PI15: variants seen among roughly 807,000 people sequenced by gnomAD.
The protein encoded by PI15 is 25 kDa trypsin inhibitor.
A neutral mutation model predicts 31.0 loss-of-function variants in PI15; 18 were observed. The observed-to-expected ratio is 0.58, with a 90% CI of 0.40 to 0.86. The LOEUF (loss-of-function observed/expected upper bound fraction) is 0.86. Among genes scored for constraint, PI15 ranks in the 40% least tolerant of loss-of-function variants. The pLI, the probability that PI15 is intolerant of heterozygous loss-of-function variation, is 0.00. For missense variants in PI15, 282 were observed against 328.1 expected, an observed-to-expected ratio of 0.86 and a Z score of 1.09; for synonymous variants, 118 against 119.1, an observed-to-expected ratio of 0.99 and a Z score of 0.06.
intron 5 of PI15, among the ~76,000 whole-genome samples, chr8:74,848,732 T>TATAGAGAGAGAGAGAG (rs1191072583): frequency 6.5e-4 from 88 of 136,344 alleles, no homozygotes; most frequent in African/African-American, 2.4e-3. Context: ...TATATATATA[T>TATAGAGAGAGAGAGAG]AGAGAGAGAG....
At position 74,844,150 on chromosome 8, in the gene PI15, T is replaced by C. The variant is rs771014409; in HGVS notation, c.392+51T>C. 2.5e-5 allele frequency: 21 copies of C among 842,042 alleles called. 1 individual carries two copies. In the Middle Eastern group the frequency reaches 6.6e-4, roughly 26 times the overall value. The allele number at this position is 842,042 out of a possible 1,614,324, so 52.2% of individuals were successfully genotyped here. ...TTCATCCACATGGCTTTATTAATTA[T>C]GGACTCTAGGAGGGAATTTCATCAA... On this transcript the variant is annotated intron_variant, in intron 3 of 5. Transcript: ENST00000260113.
chr8:74,843,840 A>G, intron 2 of PI15, 141 bp from the exon 3 acceptor site: 1 of 663,794 alleles, frequency 1.5e-6, no homozygotes, highest in Non-Finnish European at 2.7e-6. Context: ...ACTCCACTCC[A>G]GCCCGGGCAG....
chr8:74,831,706 C>G (rs1241367042), intron 2 of PI15, among the ~76,000 whole-genome samples: 1 of 151,962 alleles, frequency 6.6e-6, no homozygotes, highest in Non-Finnish European at 1.5e-5. Context: ...AGACCTAGCT[C>G]AGATGTGGAG....
At chr8:74,845,723 G>C (rs1586958669) in intron 5 of PI15, among the ~76,000 whole-genome samples, 3 of 152,116 alleles carry the variant, frequency 2.0e-5, no homozygotes, top group Admixed American at 2.0e-4. Flanking sequence ...ATCTGAAATG[G>C]TAGGGCTCAC....
intron 2 of PI15, among the ~76,000 whole-genome samples, chr8:74,834,789 C>A (rs980454723): frequency 1.3e-5 from 2 of 152,068 alleles, no homozygotes; most frequent in African/African-American, 4.8e-5. Context: ...CCATGAGATG[C>A]CTAGAATTTA....
In PI15 at chr8:74,825,232, T is replaced by C. The variant is rs1205514416; in HGVS notation, c.-18T>C. The C allele has an allele frequency of 1.2e-6, 2 of 1,610,172 alleles. No homozygotes were observed. Among genetic ancestry groups the C allele is most frequent in the African/African-American group, 2.7e-5 (2 of 74,760 alleles). On this transcript the variant is annotated 5_prime_UTR_variant, in exon 2 of 6. Coordinates refer to ENST00000260113, the MANE Select transcript of PI15 (RefSeq NM_015886.5). ...AAGCAAAGTAAACTCGGTGGCCTCTTCTTCTCCACCCCTCAAAATGATAGC... is the reference window on the plus strand; with the variant it reads ...AAGCAAAGTAAACTCGGTGGCCTCTCCTTCTCCACCCCTCAAAATGATAGC...
rs566414875 is a variant in PI15, at chr8:74,844,827, G to A, written c.393-301G>A. 81 of 274,270 alleles carry A rather than the reference G, an allele frequency of 3.0e-4. 1 individual carries two copies. The highest frequency in any genetic ancestry group is 1.3e-3 in the African/African-American group (58 of 46,290). The allele number at this position is 274,270 out of a possible 1,614,324, so 17.0% of individuals were successfully genotyped here. A position where few individuals can be genotyped will look rare whatever the true frequency, so the allele number is the denominator to read the frequency against. On this transcript the variant is annotated intron_variant, in intron 3 of 5. Transcript: ENST00000260113. Reference sequence around the variant, plus strand: ...TAAAATTCTGATGGAGGAAGTTTTCGACATGGATTAAATAAGACATTGATG... The same window carrying A: ...TAAAATTCTGATGGAGGAAGTTTTCAACATGGATTAAATAAGACATTGATG...
chr8:74,843,844 C>G (rs548348498), intron 2 of PI15, 137 bp from the exon 3 acceptor site: 23 of 666,330 alleles, frequency 3.5e-5, no homozygotes, highest in Non-Finnish European at 5.1e-5. Context: ...CACTCCAGCC[C>G]GGGCAGAAAA....
intron 2 of PI15, among the ~76,000 whole-genome samples, chr8:74,840,786 C>A (rs550491931): frequency 7.2e-5 from 11 of 152,238 alleles, no homozygotes; most frequent in African/African-American, 2.4e-4. Flanking sequence ...TACATGGAGA[C>A]AGGTAGAAAC....
intron 2 of PI15, among the ~76,000 whole-genome samples, chr8:74,840,601 C>G (rs1810930873): frequency 6.6e-6 from 1 of 152,190 alleles, no homozygotes; most frequent in Non-Finnish European, 1.5e-5. Flanking sequence ...GCTCACTACT[C>G]AAGCCAGACT....
chr8:74,839,724 G>T (rs149812093), intron 2 of PI15, among the ~76,000 whole-genome samples: 2 of 152,026 alleles, frequency 1.3e-5, no homozygotes, highest in East Asian at 3.9e-4. Flanking sequence ...TAGTTTTTCC[G>T]AATAGATAAC....
chr8:74,840,484 C>G (rs1211978109), intron 2 of PI15, among the ~76,000 whole-genome samples: 4 of 152,154 alleles, frequency 2.6e-5, no homozygotes, highest in African/African-American at 7.2e-5. Flanking sequence ...GGGGATAAAT[C>G]ACTTACCCAT....
intron 2 of PI15, among the ~76,000 whole-genome samples, chr8:74,835,535 G>A (rs1810850203): frequency 6.6e-6 from 1 of 152,116 alleles, no homozygotes; most frequent in Non-Finnish European, 1.5e-5. Context: ...TATACTGAAA[G>A]AATTAATAGG....
intron 2 of PI15, among the ~76,000 whole-genome samples, chr8:74,841,230 T>C (rs1174154307): frequency 6.6e-6 from 1 of 152,182 alleles, no homozygotes; most frequent in Non-Finnish European, 1.5e-5. Flanking sequence ...TCAAAAATAA[T>C]CTAGATTTGC....
intron 2 of PI15, among the ~76,000 whole-genome samples, chr8:74,834,249 A>C (rs764899900): frequency 1.3e-5 from 2 of 152,082 alleles, no homozygotes; most frequent in Non-Finnish European, 2.9e-5. Flanking sequence ...TTGGATAGAG[A>C]ATTTCCCTAC....
At chr8:74,826,006 C>T (rs994433928) in intron 2 of PI15, among the ~76,000 whole-genome samples, 1 of 151,890 alleles carries the variant, frequency 6.6e-6, no homozygotes. Context: ...CTTTTTTGGA[C>T]AAAGTTCTTA....
chr8:74,845,192 T>C lies in PI15; in HGVS notation c.457T>C (p.Tyr153His). The stretch of plus-strand genomic sequence containing the variant: ...TGAAGTGAAAGATTATGCTTTTCCA[T>C]ATCCCCAGGATTGCAACCCCAGATG... ...YDEVKDYAFP[Y>H]PQDCNPRCPM... The change falls in exon 4 of 6, where the codon TAT (tyrosine) becomes CAT (histidine). Residue 153 changes from tyrosine (Y) to histidine (H), a missense_variant. Coordinates refer to ENST00000260113, the MANE Select transcript of PI15 (RefSeq NM_015886.5). 6 of 1,612,880 alleles carry C rather than the reference T, an allele frequency of 3.7e-6. No homozygotes were observed. Among genetic ancestry groups the C allele is most frequent in the Non-Finnish European group, 5.1e-6 (6 of 1,178,812 alleles).
At chr8:74,847,359 C>T (rs1006965475) in intron 5 of PI15, among the ~76,000 whole-genome samples, 1 of 151,728 alleles carries the variant, frequency 6.6e-6, no homozygotes, top group Non-Finnish European at 1.5e-5. Context: ...GCAAGATAAT[C>T]GCTTGAGCCT....
rs1297830022 is a variant in PI15 at position 74,854,206 on chromosome 8, T to C, written c.*4953T>C. The C allele has an allele frequency of 6.6e-6, 1 of 152,090 alleles. No individual in the cohort carries two copies. Among genetic ancestry groups the C allele is most frequent in the Non-Finnish European group, 1.5e-5 (1 of 67,956 alleles). The allele number at this position is 152,090 out of a possible 1,614,324, so 9.4% of individuals were successfully genotyped here. ...ACATCCTAAACCTTCAGTTTAGATA[T>C]ATAATTGACTGGGTGTAATCTCTTT... On this transcript the variant is annotated 3_prime_UTR_variant, in exon 6 of 6. Transcript: ENST00000260113.
Sources: gnomAD v4.1 joint callset for allele counts (sites outside exome capture counted in the v4.1 genomes callset) on GRCh38, gnomAD v4.1.1 for gene constraint, MANE v1.5 for transcripts, NCBI Gene and HGNC (gene_info 2026-07-23, HGNC 2026-07-21) for gene names.